SCN8A: variants seen among roughly 807,000 people sequenced by gnomAD.
SCN8A encodes the protein sodium channel protein type 8 subunit alpha.
A neutral mutation model predicts 184.1 loss-of-function variants in SCN8A; 30 were observed. The observed-to-expected ratio is 0.16, with a 90% confidence interval of 0.12 to 0.22. The LOEUF is 0.22. SCN8A is among the 10% of genes least tolerant of loss of function. The probability of loss-of-function intolerance (pLI) is 1.00; values close to 1 mark genes in which losing one functional copy is unlikely to be tolerated. For missense variants in SCN8A, 1,057 were observed against 2,498.9 expected (o/e 0.42, Z 12.30); for synonymous variants, 852 against 907.0 (o/e 0.94, Z 1.09).
chr12:51,717,845 A>G (rs550979060), intron 11 of SCN8A, among the ~76,000 whole-genome samples: 2 of 152,318 alleles, frequency 1.3e-5, no homozygotes, highest in East Asian at 1.9e-4. Context: ...AGCATATGGC[A>G]TGTATCTAAC....
intron 21 of SCN8A, among the ~76,000 whole-genome samples, chr12:51,781,768 G>A (rs559612940): frequency 6.6e-6 from 1 of 152,298 alleles, no homozygotes; most frequent in South Asian, 2.1e-4. Context: ...TATACTTAAC[G>A]AGACCAAGAA....
intron 1 of SCN8A, among the ~76,000 whole-genome samples, chr12:51,617,289 CCTT>C (rs1565860921): frequency 6.6e-6 from 1 of 151,764 alleles, no homozygotes; most frequent in Non-Finnish European, 1.5e-5. Context: ...TGCTTTTTTT[CCTT>C]CGTTTCTAAT....
intron 12 of SCN8A, among the ~76,000 whole-genome samples, chr12:51,732,336 C>T (rs892983452): frequency 6.6e-6 from 1 of 152,136 alleles, no homozygotes; most frequent in African/African-American, 2.4e-5. Context: ...TGTCTTTTCC[C>T]CAGTGTTTAT....
chr12:51,700,250 T>G (rs1941664467), intron 7 of SCN8A, among the ~76,000 whole-genome samples: 2 of 152,202 alleles, frequency 1.3e-5, no homozygotes, highest in South Asian at 4.2e-4. Context: ...CTTGTAAAAT[T>G]ATTCCTTTCC....
At chr12:51,650,325 A>G (rs1299614589) in intron 1 of SCN8A, among the ~76,000 whole-genome samples, 1 of 152,114 alleles carries the variant, frequency 6.6e-6, no homozygotes, top group African/African-American at 2.4e-5. Flanking sequence ...AGTTGCTTCC[A>G]TGTTTTCAGG....
chr12:51,623,452 A>G (rs575248766), intron 1 of SCN8A, among the ~76,000 whole-genome samples: 115 of 152,288 alleles, frequency 7.6e-4, no homozygotes, highest in African/African-American at 2.7e-3. Flanking sequence ...CCACCGTGGT[A>G]GATGGGGAGT....
chr12:51,690,400 C>T (rs527948558), intron 6 of SCN8A, among the ~76,000 whole-genome samples: 1 of 152,280 alleles, frequency 6.6e-6, no homozygotes, highest in Admixed American at 6.5e-5. Flanking sequence ...CTCTGTTGCC[C>T]AGGCTGGAGT....
chr12:51,810,541 A>G lies in SCN8A; in HGVS notation c.*3112A>G, dbSNP rs11169918. 1 of 173,696 alleles carries G rather than the reference A, an allele frequency of 5.8e-6. No individual in the cohort carries two copies. The highest frequency in any genetic ancestry group is 6.4e-5 in the Admixed American group (1 of 15,550). 10.8% of individuals were successfully genotyped at this position (173,696 alleles called of 1,614,324 possible). On this transcript the variant is annotated 3_prime_UTR_variant, in exon 27 of 27. Coordinates refer to ENST00000627620, the MANE Select transcript of SCN8A (RefSeq NM_001330260.2). ...CTGCACATATATATATAGATATATA[A>G]ATATAATATAAATATTTATTTTTTG...
At chr12:51,670,647 G>C (rs1185905728) in intron 2 of SCN8A, among the ~76,000 whole-genome samples, 1 of 152,134 alleles carries the variant, frequency 6.6e-6, no homozygotes, top group East Asian at 1.9e-4. Flanking sequence ...TTAGAGAGGT[G>C]AATGGGACGA....
rs1421332350 is a variant in SCN8A, at chr12:51,721,129, T to A, written c.1636-417T>A. The stretch of plus-strand genomic sequence containing the variant: ...TATAATATTTATTTATTGTTATATA[T>A]ATAATATTTATTTATTGTTATATAT... On this transcript the variant is annotated intron_variant, in intron 11 of 26. Coordinates refer to ENST00000627620, the MANE Select transcript of SCN8A (RefSeq NM_001330260.2). Among the ~76,000 whole-genome samples, 9 of 137,746 alleles carry A rather than the reference T, an allele frequency of 6.5e-5. 1 individual carries two copies. The highest frequency in any genetic ancestry group is 1.9e-4 in the African/African-American group (7 of 37,322). The allele number at this position is 137,746 out of a possible 152,430, so 90.4% of individuals were successfully genotyped here.
At chr12:51,714,059 G>A (rs1455272349) in intron 11 of SCN8A, among the ~76,000 whole-genome samples, 1 of 151,510 alleles carries the variant, frequency 6.6e-6, no homozygotes, top group Non-Finnish European at 1.5e-5. Context: ...ACTGGCTTAT[G>A]CATGCATTCA....
At chr12:51,619,388 A>G (rs985776017) in intron 1 of SCN8A, among the ~76,000 whole-genome samples, 2 of 152,208 alleles carry the variant, frequency 1.3e-5, no homozygotes, top group Non-Finnish European at 2.9e-5. Flanking sequence ...ATATCCTTGT[A>G]TACATATTTT....
At chr12:51,715,093 A>G (rs1941943511) in intron 11 of SCN8A, among the ~76,000 whole-genome samples, 2 of 152,240 alleles carry the variant, frequency 1.3e-5, no homozygotes, top group South Asian at 4.1e-4. Context: ...GCCCTAAATC[A>G]GGATTGGATC....
At chr12:51,775,241 A>T (rs1937653423) in intron 20 of SCN8A, among the ~76,000 whole-genome samples, 2 of 152,322 alleles carry the variant, frequency 1.3e-5, no homozygotes, top group South Asian at 4.1e-4. Context: ...AGAACGGTGG[A>T]GACTAGACTG....
At chr12:51,673,323 A>G (rs1291844839) in intron 2 of SCN8A, among the ~76,000 whole-genome samples, 1 of 152,190 alleles carries the variant, frequency 6.6e-6, no homozygotes, top group Non-Finnish European at 1.5e-5. Flanking sequence ...ATATCATCTT[A>G]TGTCAGGGAT....
At chr12:51,647,712 G>C (rs1469680931) in intron 1 of SCN8A, among the ~76,000 whole-genome samples, 1 of 152,146 alleles carries the variant, frequency 6.6e-6, no homozygotes, top group Non-Finnish European at 1.5e-5. Context: ...TTTCCAAAGT[G>C]AAATCTGTAA....
At chr12:51,630,072 G>A (rs566815798) in intron 1 of SCN8A, among the ~76,000 whole-genome samples, 5 of 152,218 alleles carry the variant, frequency 3.3e-5, no homozygotes, top group African/African-American at 1.2e-4. Context: ...TAACTTCACT[G>A]TGCCATGATT....
At chr12:51,765,249 T>A (rs1565916345) in intron 15 of SCN8A, among the ~76,000 whole-genome samples, 1 of 152,192 alleles carries the variant, frequency 6.6e-6, no homozygotes, top group African/African-American at 2.4e-5. Context: ...TTTGCTTTTT[T>A]AAGGAGATGG....
At chr12:51,714,370 T>A (rs1941931932) in intron 11 of SCN8A, among the ~76,000 whole-genome samples, 1 of 107,468 alleles carries the variant, frequency 9.3e-6, no homozygotes, top group African/African-American at 3.0e-5. Context: ...AGAAATTTCC[T>A]GAGTTTATGC....
Sources: gnomAD v4.1 joint callset for allele counts (sites outside exome capture counted in the v4.1 genomes callset) on GRCh38, gnomAD v4.1.1 for gene constraint, MANE v1.5 for transcripts, NCBI Gene and HGNC (gene_info 2026-07-23, HGNC 2026-07-21) for gene names.